The following CASP5 variants were observed in gnomAD, a reference collection of about 807,000 sequenced individuals.
CASP5 encodes caspase 5.
CASP5 carries 42 observed loss-of-function variants against 45.2 expected under a neutral mutation model. The observed-to-expected ratio is 0.93, with a 90% confidence interval of 0.73 to 1.20. CASP5 has a LOEUF of 1.20. Among genes scored for constraint, CASP5 ranks in the 50% most tolerant of loss-of-function variants. The pLI, the probability that CASP5 is intolerant of heterozygous loss-of-function variation, is 0.00. For missense variants in CASP5, 512 were observed against 532.2 expected (o/e 0.96, Z 0.37); for synonymous variants, 209 against 186.2 (o/e 1.12, Z -1.00).
intron 1 of CASP5, among the ~76,000 whole-genome samples, chr11:105,021,434 A>T (rs71484387): frequency 0.096 from 13,071 of 135,956 alleles, 727 homozygotes; most frequent in Admixed American, 0.15. Context: ...AATATCCAGA[A>T]TCTACAATGA....
At chr11:105,011,421 C>G (rs919708842) in intron 1 of CASP5, among the ~76,000 whole-genome samples, 2 of 151,664 alleles carry the variant, frequency 1.3e-5, no homozygotes, top group Admixed American at 1.3e-4. Flanking sequence ...CCACTTTCAC[C>G]GCTTCTATTC....
intron 1 of CASP5, among the ~76,000 whole-genome samples, chr11:105,018,359 G>A (rs563254456): frequency 6.6e-6 from 1 of 152,158 alleles, no homozygotes; most frequent in Non-Finnish European, 1.5e-5. Flanking sequence ...GACACAGACT[G>A]GCAAATTGGA....
chr11:104,995,408 G>C (rs781033857), intron 9 of CASP5, among the ~76,000 whole-genome samples: 1 of 152,148 alleles, frequency 6.6e-6, no homozygotes, highest in Non-Finnish European at 1.5e-5. Context: ...GAAACAGAGA[G>C]AGAGACAAAG....
chr11:104,995,568 A>G (rs1273685211), intron 9 of CASP5, among the ~76,000 whole-genome samples, 172 bp downstream of exon 9: 1 of 152,174 alleles, frequency 6.6e-6, no homozygotes, highest in Non-Finnish European at 1.5e-5. Context: ...TAGTTGAGGG[A>G]AACTAAATGC....
intron 1 of CASP5, among the ~76,000 whole-genome samples, chr11:105,018,646 T>A (rs1342057691): frequency 1.7e-4 from 24 of 142,550 alleles, no homozygotes; most frequent in African/African-American, 6.2e-4. Flanking sequence ...AGCACCCAGA[T>A]TCATAAAGCA....
At chr11:105,009,459 C>G (rs938170823) in intron 1 of CASP5, among the ~76,000 whole-genome samples, 6 of 151,372 alleles carry the variant, frequency 4.0e-5, no homozygotes, top group Admixed American at 4.0e-4. Flanking sequence ...ACAAGCTATA[C>G]CCAATTGTGC....
intron 7 of CASP5, among the ~76,000 whole-genome samples, chr11:104,998,232 C>T (rs1167185652): frequency 2.0e-5 from 3 of 152,066 alleles, no homozygotes; most frequent in South Asian, 2.1e-4. Context: ...TAAATATGTA[C>T]AGTTTTCATA....
chr11:105,006,043 A>G (rs978040821), intron 3 of CASP5, among the ~76,000 whole-genome samples: 8 of 152,082 alleles, frequency 5.3e-5, no homozygotes, highest in African/African-American at 1.9e-4. Context: ...ATCGTATGTG[A>G]TTATTGGTAA....
chr11:105,009,744 TATATATATATATATACACACAC>T (rs1862192790), intron 1 of CASP5, among the ~76,000 whole-genome samples: 3 of 69,290 alleles, frequency 4.3e-5, no homozygotes, highest in African/African-American at 2.3e-4. Flanking sequence ...TATATATATA[TATATATATATATATACACACAC>T]ACACGTATAT....
At chr11:104,996,521 T>C (rs551610942) in intron 8 of CASP5, among the ~76,000 whole-genome samples, 1 of 152,360 alleles carries the variant, frequency 6.6e-6, no homozygotes, top group South Asian at 2.1e-4. Flanking sequence ...TACTGTTCTC[T>C]ATAATTTTTA....
rs571499997 is a variant in CASP5 at position 105,020,762 on chromosome 11, G to C, written c.7+2368C>G. ...GATAATTTACAGATTCAATGCCATC[G>C]CCATCAAGCTACCAATGACTTTCTT... On this transcript the variant is annotated intron_variant, in intron 1 of 9. Transcript: ENST00000260315. Among the ~76,000 whole-genome samples the C allele has an allele frequency of 7.9e-5, 12 of 152,104 alleles. No homozygotes were observed. The South Asian group carries it at 1.0e-3, about 13-fold the overall frequency.
chr11:105,013,401 AT>A (rs1862445464), intron 1 of CASP5, among the ~76,000 whole-genome samples: 1 of 152,074 alleles, frequency 6.6e-6, no homozygotes, highest in Non-Finnish European at 1.5e-5. Flanking sequence ...GACAGTGTAA[AT>A]TTTAAGTGCT....
intron 4 of CASP5, among the ~76,000 whole-genome samples, chr11:105,003,040 T>TA (rs66897384): frequency 0.97 from 144,763 of 149,902 alleles, 70,046 homozygotes; most frequent in Non-Finnish European, 1. Context: ...CTACAAAAAT[T>TA]AAAAAAAAAA....
Position 105,000,364 on chromosome 11 carries a change from C to T in CASP5, c.849G>A (p.Pro283=), listed in dbSNP as rs113183781. The T allele has an allele frequency of 8.7e-6, 14 of 1,614,028 alleles. No homozygotes were observed. Among genetic ancestry groups the T allele is most frequent in the African/African-American group, 4.0e-5 (3 of 74,916 alleles). The change falls in exon 6 of 10, where the codon CCG becomes CCA. Residue 283 remains proline (P), a synonymous_variant. Coordinates refer to ENST00000260315, the MANE Select transcript of CASP5 (RefSeq NM_004347.5). The part of the protein sequence containing the change: ...ICGTAHKKKK[P]DVLLYDTIFQ... ...AGATGGTGTCATAAAGCAGCACATC[C>T]GGTTTTTTCTTTTTATGCGCAGTTC...
intron 2 of CASP5, 63 bp from the exon 3 acceptor site, chr11:105,007,397 A>G (rs1454812544): frequency 1.4e-6 from 2 of 1,441,722 alleles, no homozygotes; most frequent in Non-Finnish European, 1.9e-6. Flanking sequence ...GCCTTCACCT[A>G]AGACATAACT....
In CASP5 at chr11:105,000,357, G is replaced by A. The variant is rs1565380990; in HGVS notation, c.856C>T (p.Leu286=). The stretch of plus-strand genomic sequence containing the variant: ...ATCTGGAAGATGGTGTCATAAAGCA[G>A]CACATCCGGTTTTTTCTTTTTATGC... The part of the protein sequence containing the change: ...TAHKKKKPDV[L]LYDTIFQIFN... Residue 286 remains leucine, a synonymous_variant, in exon 6 of 10, where the codon CTG becomes TTG. Transcript: ENST00000260315. The A allele has an allele frequency of 2.5e-6, 4 of 1,614,204 alleles. No individual in the cohort carries two copies. The highest frequency in any genetic ancestry group is 3.4e-6 in the Non-Finnish European group (4 of 1,180,034).
chr11:105,014,156 T>G (rs896417458), intron 1 of CASP5, among the ~76,000 whole-genome samples: 2 of 152,176 alleles, frequency 1.3e-5, no homozygotes, highest in Non-Finnish European at 2.9e-5. Flanking sequence ...CAGCCTCATC[T>G]TCTGATACTG....
At chr11:105,001,194 A>G (rs1224490421) in intron 5 of CASP5, among the ~76,000 whole-genome samples, 1 of 152,176 alleles carries the variant, frequency 6.6e-6, no homozygotes, top group Non-Finnish European at 1.5e-5. Flanking sequence ...TTATTCTTAT[A>G]TAGACACATA....
chr11:105,020,117 T>G (rs1205720204), intron 1 of CASP5, among the ~76,000 whole-genome samples: 2 of 146,054 alleles, frequency 1.4e-5, no homozygotes, highest in Admixed American at 7.3e-5. Flanking sequence ...CGCTTCATGC[T>G]AAAAACTCTC....
Sources: gnomAD v4.1 joint callset for allele counts (sites outside exome capture counted in the v4.1 genomes callset) on GRCh38, gnomAD v4.1.1 for gene constraint, MANE v1.5 for transcripts, NCBI Gene and HGNC (gene_info 2026-07-23, HGNC 2026-07-21) for gene names.